The following NTM variants were observed in gnomAD, a reference collection of about 807,000 sequenced individuals.
NTM encodes the protein neurotrimin, also known as IgLON family member 2.
NTM carries 13 observed loss-of-function variants against 42.1 expected under a neutral mutation model. The observed-to-expected ratio is 0.31, with a 90% CI of 0.20 to 0.49. NTM has a LOEUF of 0.49. Ranked by LOEUF, NTM falls within the 20% of genes least tolerant of loss-of-function variation. The pLI, the probability that NTM is intolerant of heterozygous loss-of-function variation, is 0.99. For missense variants in NTM, 373 were observed against 452.8 expected, an observed-to-expected ratio of 0.82 and a Z score of 1.60; for synonymous variants, 187 against 179.2, an observed-to-expected ratio of 1.04 and a Z score of -0.35.
chr11:131,946,905 T>C (rs1484885003), intron 2 of NTM, among the ~76,000 whole-genome samples: 1 of 152,234 alleles, frequency 6.6e-6, no homozygotes, highest in Non-Finnish European at 1.5e-5. Context: ...AGTATCTTCA[T>C]GTATACAGGA....
At chr11:132,263,206 C>T (rs935756045) in intron 4 of NTM, among the ~76,000 whole-genome samples, 3 of 152,208 alleles carry the variant, frequency 2.0e-5, no homozygotes, top group African/African-American at 4.8e-5. Context: ...GCTCCAACCC[C>T]AAGGCTGTTC....
chr11:131,981,612 T>A (rs1285811419), intron 2 of NTM: 1 of 152,232 alleles, frequency 6.6e-6, no homozygotes, highest in Non-Finnish European at 1.5e-5. Flanking sequence ...CATCGTCTTA[T>A]CATTTTCTCT....
rs531754176 is a variant in NTM at position 131,378,424 on chromosome 11, T to G, written c.82+7536T>G. Among the ~76,000 whole-genome samples the G allele has an allele frequency of 2.0e-5, 3 of 152,348 alleles. No homozygotes were observed. The South Asian group carries it at 6.2e-4, about 32-fold the overall frequency. ...AAAATACTCAGCACCAGCCTCTGCC[T>G]GCAGGAAGGTAAGAATATAAACAGC... On this transcript the variant is annotated intron_variant, in intron 1 of 8. Coordinates refer to ENST00000683400, the MANE Select transcript of NTM (RefSeq NM_001352005.2).
At chr11:132,297,251 G>A (rs1006509009) in intron 4 of NTM, among the ~76,000 whole-genome samples, 4 of 152,122 alleles carry the variant, frequency 2.6e-5, no homozygotes, top group Non-Finnish European at 5.9e-5. Context: ...CTATAGATTT[G>A]ACCCCACCCC....
At chr11:132,282,997 T>TTTTTTTTTC (rs2094054100) in intron 4 of NTM, among the ~76,000 whole-genome samples, 1 of 112,518 alleles carries the variant, frequency 8.9e-6, no homozygotes, top group Non-Finnish European at 2.0e-5. Flanking sequence ...TTTTTTTTTT[T>TTTTTTTTTC]TTTTATTTGA....
At chr11:131,747,698 A>C (rs1182606145) in intron 1 of NTM, among the ~76,000 whole-genome samples, 1 of 152,132 alleles carries the variant, frequency 6.6e-6, no homozygotes, top group Non-Finnish European at 1.5e-5. Flanking sequence ...GTATCACATG[A>C]CTTCTTAAAT....
intron 1 of NTM, among the ~76,000 whole-genome samples, chr11:131,777,547 A>G (rs1228327244): frequency 6.7e-6 from 1 of 149,030 alleles, no homozygotes; most frequent in Non-Finnish European, 1.5e-5. Context: ...ACTGCTCTCC[A>G]TGGCATGCTT....
At chr11:132,128,991 C>T (rs1042570259) in intron 2 of NTM, among the ~76,000 whole-genome samples, 13 of 142,332 alleles carry the variant, frequency 9.1e-5, no homozygotes, top group African/African-American at 3.1e-4. Flanking sequence ...TCAGAAATCA[C>T]TATCGACAGT....
rs913347155 is a variant in NTM, at chr11:131,607,627, C to T, written c.82+236739C>T. On this transcript the variant is annotated intron_variant, in intron 1 of 8. Coordinates refer to ENST00000683400, the MANE Select transcript of NTM (RefSeq NM_001352005.2). Reference sequence around the variant, plus strand: ...TAGCAGAGCCTGCCTGTAATGAACACTAGTTGCAAAATGCTAGACCAGCTG... The same window carrying T: ...TAGCAGAGCCTGCCTGTAATGAACATTAGTTGCAAAATGCTAGACCAGCTG... Among the ~76,000 whole-genome samples the T allele has an allele frequency of 2.6e-5, 4 of 152,250 alleles. No homozygotes were observed. The East Asian group carries it at 7.7e-4, about 29-fold the overall frequency.
At chr11:131,498,642 C>T (rs372624529) in intron 1 of NTM, among the ~76,000 whole-genome samples, 2 of 152,296 alleles carry the variant, frequency 1.3e-5, no homozygotes, top group East Asian at 3.9e-4. Context: ...CCCAGCCTGC[C>T]TTCCATCTTG....
intron 1 of NTM, among the ~76,000 whole-genome samples, chr11:131,554,605 G>A (rs1158133144): frequency 6.6e-6 from 1 of 151,178 alleles, no homozygotes; most frequent in Non-Finnish European, 1.5e-5. Flanking sequence ...TTAGCACTCT[G>A]GTCTACTGCA....
chr11:131,789,398 T>A (rs748285085), intron 1 of NTM, among the ~76,000 whole-genome samples: 1 of 121,428 alleles, frequency 8.2e-6, no homozygotes, highest in African/African-American at 3.1e-5. Flanking sequence ...AGCTCAGAAG[T>A]ATTGCTGCAG....
At chr11:132,116,794 C>T (rs1311848601) in intron 2 of NTM, among the ~76,000 whole-genome samples, 2 of 152,222 alleles carry the variant, frequency 1.3e-5, no homozygotes, top group Non-Finnish European at 2.9e-5. Flanking sequence ...CCACATCTAA[C>T]AGATGGCTCA....
intron 2 of NTM, among the ~76,000 whole-genome samples, chr11:132,095,022 T>TG (rs2060792496): frequency 1.3e-5 from 2 of 152,150 alleles, no homozygotes; most frequent in African/African-American, 4.8e-5. Context: ...CAAACAGAGA[T>TG]GGAGACATTC....
At chr11:131,633,671 CTCCCTCCCTCTCT>C (rs2063941380) in intron 1 of NTM, among the ~76,000 whole-genome samples, 1 of 138,790 alleles carries the variant, frequency 7.2e-6, no homozygotes, top group African/African-American at 2.8e-5. Flanking sequence ...CTCTCCCTCT[CTCCCTCCCTCTCT>C]CTCTCTCTCC....
intron 1 of NTM, among the ~76,000 whole-genome samples, chr11:131,906,356 G>A (rs2053852523): frequency 6.6e-6 from 1 of 152,094 alleles, no homozygotes; most frequent in Non-Finnish European, 1.5e-5. Flanking sequence ...GGAGTCAGGA[G>A]TTCTGACTTC....
intron 1 of NTM, among the ~76,000 whole-genome samples, chr11:131,742,139 G>T (rs755008501): frequency 2.0e-5 from 3 of 152,148 alleles, no homozygotes; most frequent in Non-Finnish European, 2.9e-5. Context: ...CTTAATACCT[G>T]GGTGTTGAAG....
intron 4 of NTM, among the ~76,000 whole-genome samples, chr11:132,226,668 C>T (rs1429647961): frequency 6.6e-6 from 1 of 152,066 alleles, no homozygotes; most frequent in African/African-American, 2.4e-5. Context: ...TAAAGATAGC[C>T]AGTAAAGGCA....
chr11:132,087,596 A>G (rs1793627), intron 2 of NTM, among the ~76,000 whole-genome samples: 97,929 of 152,000 alleles, frequency 0.64, 32,763 homozygotes, highest in African/African-American at 0.8. Context: ...CTAAGGTATA[A>G]CTGTGGAATA....
Sources: allele counts gnomAD v4.1 joint callset (sites outside exome capture counted in the v4.1 genomes callset), GRCh38; gene constraint gnomAD v4.1.1; transcripts MANE v1.5; gene names NCBI Gene and HGNC (gene_info 2026-07-23, HGNC 2026-07-21).